The following TMEM132B variants were observed in gnomAD, a reference collection of about 807,000 sequenced individuals.
The protein encoded by TMEM132B is transmembrane protein 132B.
TMEM132B carries 18 observed loss-of-function variants against 90.8 expected under a neutral mutation model. The observed-to-expected ratio is 0.20, with a 90% CI of 0.14 to 0.29. TMEM132B has a LOEUF of 0.29. TMEM132B is among the 10% of genes least tolerant of loss of function. TMEM132B has a pLI of 1.00. For missense variants in TMEM132B, 1,096 were observed against 1,326.8 expected (o/e 0.83, Z 2.70); for synonymous variants, 504 against 523.3 (o/e 0.96, Z 0.50).
chr12:125,489,172 C>T (rs1445232470), intron 3 of TMEM132B, among the ~76,000 whole-genome samples: 1 of 152,120 alleles, frequency 6.6e-6, no homozygotes, highest in Non-Finnish European at 1.5e-5. Flanking sequence ...GTTATCCAAT[C>T]TCAGATATCA....
chr12:125,441,846 G>A (rs1241950039), intron 3 of TMEM132B, among the ~76,000 whole-genome samples: 2 of 152,310 alleles, frequency 1.3e-5, no homozygotes, highest in South Asian at 4.1e-4. Context: ...GAGATTAAAT[G>A]CAATAGAAAA....
chr12:125,276,676 T>G (rs1207839459), intron 1 of TMEM132B, among the ~76,000 whole-genome samples: 3 of 152,186 alleles, frequency 2.0e-5, no homozygotes, highest in Non-Finnish European at 4.4e-5. Context: ...TGTTAAGCAG[T>G]GCTTGCCTAT....
At chr12:125,261,604 G>A (rs543145123) in intron 1 of TMEM132B, among the ~76,000 whole-genome samples, 2 of 152,144 alleles carry the variant, frequency 1.3e-5, no homozygotes, top group African/African-American at 2.4e-5. Flanking sequence ...CACAAGTGCA[G>A]AAAATTCAAA....
At chr12:125,450,723 C>A (rs189243802) in intron 3 of TMEM132B, among the ~76,000 whole-genome samples, 3 of 152,206 alleles carry the variant, frequency 2.0e-5, no homozygotes, top group Admixed American at 1.3e-4. Flanking sequence ...CCTAACAGAT[C>A]GCTTATTAAT....
intron 2 of TMEM132B, among the ~76,000 whole-genome samples, chr12:125,386,646 G>C (rs1202736401): frequency 1.3e-5 from 2 of 152,184 alleles, no homozygotes; most frequent in East Asian, 3.8e-4. Context: ...AATAAAGTAA[G>C]ACAGGCATAT....
intron 3 of TMEM132B, among the ~76,000 whole-genome samples, chr12:125,487,744 G>A (rs184268747): frequency 1.8e-4 from 28 of 152,238 alleles, no homozygotes; most frequent in African/African-American, 6.5e-4. Context: ...GGTGAACATC[G>A]AGGAGTGTCA....
At chr12:125,261,658 A>G (rs1368151041) in intron 1 of TMEM132B, among the ~76,000 whole-genome samples, 1 of 152,256 alleles carries the variant, frequency 6.6e-6, no homozygotes, top group African/African-American at 2.4e-5. Context: ...TTTTATTGAA[A>G]GAATAACATT....
intron 2 of TMEM132B, among the ~76,000 whole-genome samples, chr12:125,414,018 T>C (rs1186873217): frequency 6.6e-6 from 1 of 152,216 alleles, no homozygotes; most frequent in Non-Finnish European, 1.5e-5. Flanking sequence ...CTGTCTTTTT[T>C]ATTTTAGCCA....
At chr12:125,447,116 T>C (rs918220448) in intron 3 of TMEM132B, among the ~76,000 whole-genome samples, 5 of 152,234 alleles carry the variant, frequency 3.3e-5, no homozygotes, top group African/African-American at 1.2e-4. Flanking sequence ...TTTGGATATG[T>C]CTCTTGTGTT....
chr12:125,476,488 A>G (rs574697092), intron 3 of TMEM132B, among the ~76,000 whole-genome samples: 7 of 152,286 alleles, frequency 4.6e-5, no homozygotes, highest in South Asian at 4.2e-4. Context: ...TTAATGTCTC[A>G]ATAACAGTCC....
At chr12:125,297,606 C>T (rs1429173601) in intron 1 of TMEM132B, among the ~76,000 whole-genome samples, 2 of 152,190 alleles carry the variant, frequency 1.3e-5, no homozygotes, top group African/African-American at 4.8e-5. Flanking sequence ...ACCTCACTTC[C>T]CTGCAGCTAG....
intron 1 of TMEM132B, among the ~76,000 whole-genome samples, chr12:125,224,223 GT>G (rs1270730725): frequency 6.6e-6 from 1 of 152,170 alleles, no homozygotes; most frequent in Non-Finnish European, 1.5e-5. Context: ...CATTTGGGTT[GT>G]TTTTGCTCTT....
At chr12:125,297,426 C>T (rs781565907) in intron 1 of TMEM132B, among the ~76,000 whole-genome samples, 1 of 152,192 alleles carries the variant, frequency 6.6e-6, no homozygotes, top group Non-Finnish European at 1.5e-5. Flanking sequence ...GGAAAATGGC[C>T]AGCCTTCTGG....
chr12:125,565,111 A>G (rs1051923682), intron 4 of TMEM132B, among the ~76,000 whole-genome samples: 6 of 152,194 alleles, frequency 3.9e-5, no homozygotes, highest in African/African-American at 1.4e-4. Flanking sequence ...TACAGTTGTG[A>G]TCACCCTCTA....
At chr12:125,563,597 A>C (rs1884592250) in intron 4 of TMEM132B, among the ~76,000 whole-genome samples, 1 of 146,576 alleles carries the variant, frequency 6.8e-6, no homozygotes, top group Middle Eastern at 3.2e-3. Flanking sequence ...AAACAAACAA[A>C]CAAAAAAAAA....
At chr12:125,405,209 C>T (rs138929735) in intron 2 of TMEM132B, among the ~76,000 whole-genome samples, 109 of 152,330 alleles carry the variant, frequency 7.2e-4, no homozygotes, top group African/African-American at 2.6e-3. Flanking sequence ...CATGCTTTTC[C>T]CCTACCTTCT....
intron 5 of TMEM132B, among the ~76,000 whole-genome samples, chr12:125,625,016 A>C (rs1233844977): frequency 6.6e-6 from 1 of 152,036 alleles, no homozygotes; most frequent in Non-Finnish European, 1.5e-5. Flanking sequence ...CTTTTAGTTA[A>C]CATCACTCTC....
intron 3 of TMEM132B, among the ~76,000 whole-genome samples, chr12:125,497,585 G>A (rs1882594043): frequency 1.3e-5 from 2 of 152,186 alleles, no homozygotes; most frequent in Non-Finnish European, 1.5e-5. Flanking sequence ...CCCTCGGTAA[G>A]TGTTGACTGT....
chr12:125,598,922 G>A (rs1279689292), intron 5 of TMEM132B, among the ~76,000 whole-genome samples: 1 of 152,154 alleles, frequency 6.6e-6, no homozygotes, highest in Admixed American at 6.6e-5. Flanking sequence ...TCTATGTCAG[G>A]ATACTTTGTG....
Sources: allele counts gnomAD v4.1 joint callset (sites outside exome capture counted in the v4.1 genomes callset), GRCh38; gene constraint gnomAD v4.1.1; transcripts MANE v1.5; gene names NCBI Gene and HGNC (gene_info 2026-07-23, HGNC 2026-07-21).